The following RAB3C variants were observed in gnomAD, a reference collection of about 807,000 sequenced individuals.
RAB3C encodes the protein ras-related protein Rab-3C.
RAB3C carries 17 observed loss-of-function variants against 26.4 expected under a neutral mutation model. The observed-to-expected ratio is 0.64, with a 90% CI of 0.44 to 0.97. RAB3C has a LOEUF of 0.97. Ranked by LOEUF, RAB3C falls within the 50% of genes least tolerant of loss-of-function variation. The pLI is 0.00. For missense variants in RAB3C, 242 were observed against 281.9 expected (o/e 0.86, Z 1.01); for synonymous variants, 91 against 95.9 (o/e 0.95, Z 0.30).
At chr5:58,809,697 C>G (rs1743027631) in intron 3 of RAB3C, among the ~76,000 whole-genome samples, 1 of 152,146 alleles carries the variant, frequency 6.6e-6, no homozygotes, top group Admixed American at 6.5e-5. Context: ...CCCTGACACA[C>G]ACCACTGTGG....
chr5:58,684,461 G>C (rs1748405658), intron 2 of RAB3C, among the ~76,000 whole-genome samples: 1 of 152,154 alleles, frequency 6.6e-6, no homozygotes. Context: ...CTTAGGTTAT[G>C]GGGTGCCACA....
intron 1 of RAB3C, among the ~76,000 whole-genome samples, chr5:58,611,699 G>A (rs951881559): frequency 4.6e-5 from 7 of 151,976 alleles, no homozygotes; most frequent in Admixed American, 3.3e-4. Flanking sequence ...CACTCTGTTG[G>A]TAGTTTCTGT....
chr5:58,646,122 T>G (rs1262465400), intron 2 of RAB3C, among the ~76,000 whole-genome samples: 2 of 152,116 alleles, frequency 1.3e-5, no homozygotes, highest in Non-Finnish European at 2.9e-5. Context: ...GATTTCTATT[T>G]TGGCTTCATT....
At chr5:58,797,369 ATATATAT>A (rs1561133550) in intron 3 of RAB3C, among the ~76,000 whole-genome samples, 11 of 18,324 alleles carry the variant, frequency 6.0e-4, no homozygotes, top group African/African-American at 2.4e-3. Context: ...TATATATATA[ATATATAT>A]ATATATATAT....
intron 3 of RAB3C, among the ~76,000 whole-genome samples, chr5:58,740,196 A>G (rs548931732): frequency 6.6e-6 from 1 of 152,354 alleles, no homozygotes; most frequent in East Asian, 1.9e-4. Context: ...AGGAGCCCAG[A>G]GTCAGCTATT....
chr5:58,708,480 T>C (rs1488556598), intron 2 of RAB3C, among the ~76,000 whole-genome samples: 2 of 152,182 alleles, frequency 1.3e-5, no homozygotes, highest in Non-Finnish European at 2.9e-5. Flanking sequence ...TCATCATGCC[T>C]GGCATAATCC....
intron 3 of RAB3C, among the ~76,000 whole-genome samples, chr5:58,750,916 G>A (rs567468048): frequency 1.6e-4 from 24 of 151,842 alleles, no homozygotes; most frequent in African/African-American, 5.1e-4. Context: ...ATGCAGTGGC[G>A]TGATCTTGGG....
intron 2 of RAB3C, among the ~76,000 whole-genome samples, chr5:58,701,150 C>G (rs1368935133): frequency 6.6e-6 from 1 of 152,050 alleles, no homozygotes; most frequent in Admixed American, 6.5e-5. Flanking sequence ...CACCCGCCAC[C>G]ATGCCCAGCT....
chr5:58,760,241 C>A (rs1741770337), intron 3 of RAB3C, among the ~76,000 whole-genome samples: 1 of 151,862 alleles, frequency 6.6e-6, no homozygotes, highest in Non-Finnish European at 1.5e-5. Context: ...AAAAATTTAG[C>A]CTCTTACTTG....
At chr5:58,781,944 G>T (rs1273320986) in intron 3 of RAB3C, among the ~76,000 whole-genome samples, 3 of 151,102 alleles carry the variant, frequency 2.0e-5, no homozygotes, top group African/African-American at 4.9e-5. Flanking sequence ...ATTTTTTTTT[G>T]ATTCTCCCTT....
At chr5:58,768,404 T>G (rs1278331282) in intron 3 of RAB3C, among the ~76,000 whole-genome samples, 1 of 150,346 alleles carries the variant, frequency 6.7e-6, no homozygotes, top group East Asian at 1.9e-4. Flanking sequence ...TAACAAATAT[T>G]GTTGAGTGCC....
At chr5:58,851,013 C>T (rs1744101809) in intron 4 of RAB3C, 151 bp from the exon 5 acceptor site, 2 of 606,508 alleles carry the variant, frequency 3.3e-6, no homozygotes, top group East Asian at 5.8e-5. Context: ...TAAATGGTAC[C>T]TCATGCCCAC....
chr5:58,850,408 G>A (rs2112090331), intron 4 of RAB3C, among the ~76,000 whole-genome samples: 1 of 152,314 alleles, frequency 6.6e-6, no homozygotes. Context: ...AAGCCCTGGA[G>A]GGCTGTTGGA....
chr5:58,756,138 T>A (rs979423783), intron 3 of RAB3C, among the ~76,000 whole-genome samples: 4 of 151,440 alleles, frequency 2.6e-5, no homozygotes, highest in Non-Finnish European at 4.4e-5. Flanking sequence ...TTGGTTTATT[T>A]CTTTCCCCAC....
intron 1 of RAB3C, among the ~76,000 whole-genome samples, chr5:58,597,062 A>AAT: frequency 2.6e-3 from 1 of 388 alleles, no homozygotes; most frequent in African/African-American, 9.1e-3. Flanking sequence ...TATAATACAT[A>AAT]ATATATATTA....
chr5:58,648,751 C>G (rs1208933194), intron 2 of RAB3C, among the ~76,000 whole-genome samples: 2 of 152,038 alleles, frequency 1.3e-5, no homozygotes, highest in Non-Finnish European at 2.9e-5. Flanking sequence ...ATAAAAGATA[C>G]AAAAGATCTT....
chr5:58,768,259 A>G (rs543307987), intron 3 of RAB3C, among the ~76,000 whole-genome samples: 1 of 152,274 alleles, frequency 6.6e-6, no homozygotes, highest in South Asian at 2.1e-4. Context: ...GTGACTCTTG[A>G]TCCCAGCACT....
chr5:58,707,887 GC>G (rs771066306), intron 2 of RAB3C, among the ~76,000 whole-genome samples: 4 of 152,054 alleles, frequency 2.6e-5, no homozygotes, highest in Non-Finnish European at 4.4e-5. Context: ...AGGATTCATT[GC>G]TTGGTTCCAA....
At chr5:58,610,028 G>A (rs1008614891) in intron 1 of RAB3C, among the ~76,000 whole-genome samples, 2 of 152,128 alleles carry the variant, frequency 1.3e-5, no homozygotes, top group African/African-American at 4.8e-5. Context: ...AGAGACAAAC[G>A]TGGAGACCTG....
Sources: gnomAD v4.1 joint callset for allele counts (sites outside exome capture counted in the v4.1 genomes callset) on GRCh38, gnomAD v4.1.1 for gene constraint, MANE v1.5 for transcripts, NCBI Gene and HGNC (gene_info 2026-07-23, HGNC 2026-07-21) for gene names.